ADAMTSL2: variants seen among roughly 807,000 people sequenced by gnomAD.
ADAMTSL2 encodes ADAMTS-like protein 2.
ADAMTSL2 carries 55 observed loss-of-function variants against 117.0 expected under a neutral mutation model. That is an observed-to-expected ratio of 0.47 (90% CI 0.38 to 0.59). The LOEUF (loss-of-function observed/expected upper bound fraction) is 0.59. ADAMTSL2 is among the 20% of genes least tolerant of loss of function. The pLI is 0.00. For synonymous variants in ADAMTSL2, 572 were observed against 566.4 expected (o/e 1.01, Z -0.14); for missense variants, 1,182 against 1,354.5 (o/e 0.87, Z 2.00).
Position 133,568,597 on chromosome 9 carries a change from C to T in ADAMTSL2, c.2089-6C>T, listed in dbSNP as rs944005594. On this transcript the variant is annotated splice_region_variant and splice_polypyrimidine_tract_variant and intron_variant, in intron 14 of 18. Coordinates refer to ENST00000651351, the MANE Select transcript of ADAMTSL2 (RefSeq NM_014694.4). ...CCCCCCCTGCCCCCTCCCCCTGCCG[C>T]CCCAGTGCACTGCCAAGTGTGGGGA... 6.3e-6 allele frequency: 10 copies of T among 1,588,798 alleles called. No homozygotes were observed. In the African/African-American group the frequency reaches 1.1e-4, roughly 17 times the overall value.
At chr9:133,570,235 A>G (rs1184028941) in intron 16 of ADAMTSL2, 96 bp from the exon 17 acceptor site, 6 of 1,396,968 alleles carry the variant, frequency 4.3e-6, no homozygotes, top group South Asian at 1.3e-5. Context: ...CCCAATTGCT[A>G]TTGACCAGCC....
In ADAMTSL2 at chr9:133,534,829, C is replaced by T. The variant is rs940319147; in HGVS notation, c.-239C>T. 8 of 1,496,672 alleles carry T rather than the reference C, an allele frequency of 5.3e-6. No homozygotes were observed. The highest frequency in any genetic ancestry group is 2.2e-5 in the Admixed American group (1 of 45,080). The allele number at this position is 1,496,672 out of a possible 1,614,324, so 92.7% of individuals were successfully genotyped here. On this transcript the variant is annotated 5_prime_UTR_variant, in exon 1 of 19. Transcript: ENST00000651351. ...GGCCGCAGCCTCTGCACTCACGCCG[C>T]CCCCGCACGCACAGCGCACCTGGCG... is the stretch of plus-strand genomic sequence containing the variant.
intron 17 of ADAMTSL2, among the ~76,000 whole-genome samples, chr9:133,571,070 G>A (rs1396308883): frequency 6.6e-6 from 1 of 152,216 alleles, no homozygotes; most frequent in Non-Finnish European, 1.5e-5. Flanking sequence ...CAGGATGTGA[G>A]GCAGGACTAT....
chr9:133,572,889 G>T (rs1831143187), intron 17 of ADAMTSL2, among the ~76,000 whole-genome samples: 1 of 152,176 alleles, frequency 6.6e-6, no homozygotes, highest in Non-Finnish European at 1.5e-5. Context: ...GGGCTGGCCG[G>T]GAATGTGCTG....
upstream of ADAMTSL2, chr9:133,534,607 CG>C: frequency 7.9e-7 from 1 of 1,266,864 alleles, no homozygotes; most frequent in Non-Finnish European, 1.0e-6. Context: ...TGCGCCAGGC[CG>C]GCCGGCGCGG....
In ADAMTSL2 at chr9:133,557,893, T is replaced by C. The variant is rs1456470719; in HGVS notation, c.1649+1963T>C. Reference sequence around the variant, plus strand: ...TCGCTGTGGAATTTGGCTTAAGGCATGGACACTGTGTGAGTTGAGCATCTC... The same window carrying C: ...TCGCTGTGGAATTTGGCTTAAGGCACGGACACTGTGTGAGTTGAGCATCTC... On this transcript the variant is annotated intron_variant, in intron 11 of 18. Coordinates refer to ENST00000651351, the MANE Select transcript of ADAMTSL2 (RefSeq NM_014694.4). The surrounding 1 kb of genome is among the most constrained non-coding windows in gnomAD (Gnocchi z 5.2). Among the ~76,000 whole-genome samples the C allele has an allele frequency of 6.6e-6, 1 of 152,162 alleles. No individual in the cohort carries two copies. The highest frequency in any genetic ancestry group is 2.4e-5 in the African/African-American group (1 of 41,426).
intron 8 of ADAMTSL2, among the ~76,000 whole-genome samples, chr9:133,546,676 T>C (rs549568696): frequency 2.0e-5 from 3 of 152,296 alleles, no homozygotes; most frequent in Admixed American, 6.5e-5. Context: ...CGTGTGTGCC[T>C]TCCACAGGCC....
chr9:133,550,384 C>T (rs367548612), intron 9 of ADAMTSL2, among the ~76,000 whole-genome samples: 60 of 152,340 alleles, frequency 3.9e-4, no homozygotes, highest in African/African-American at 1.2e-3. Context: ...TTGGAGGATA[C>T]GGCAGGCCCA....
At chr9:133,567,434 C>G (rs1831000670) in intron 13 of ADAMTSL2, among the ~76,000 whole-genome samples, 1 of 152,238 alleles carries the variant, frequency 6.6e-6, no homozygotes, top group Non-Finnish European at 1.5e-5. Context: ...TTGGCTGTCC[C>G]TTGGATGTGG....
intron 13 of ADAMTSL2, 59 bp downstream of exon 13, chr9:133,567,121 C>T (rs1288489148): frequency 1.5e-5 from 24 of 1,560,958 alleles, no homozygotes; most frequent in Non-Finnish European, 1.7e-5. Context: ...GGGCTCTGCC[C>T]AAAGGAGCAG....
At chr9:133,560,963 T>A (rs1055296107) in intron 11 of ADAMTSL2, among the ~76,000 whole-genome samples, 17 of 152,212 alleles carry the variant, frequency 1.1e-4, no homozygotes, top group Non-Finnish European at 1.9e-4. Flanking sequence ...GCAGTTGAGA[T>A]GGAAAACAAT....
At position 133,568,625 on chromosome 9, in the gene ADAMTSL2, G is replaced by T. The variant is rs1200433730; in HGVS notation, c.2111G>T (p.Arg704Leu). The stretch of plus-strand genomic sequence containing the variant: ...CAGTGCACTGCCAAGTGTGGGGAGC[G>T]CAGTGTGGTGACCAGGGACATCCGC... ...WSECTAKCGE[R>L]SVVTRDIRCS... Residue 704 changes from arginine to leucine, a missense_variant, in exon 15 of 19, where the codon CGC becomes CTC. Coordinates refer to ENST00000651351, the MANE Select transcript of ADAMTSL2 (RefSeq NM_014694.4). 6.2e-7 allele frequency: 1 copy of T among 1,610,834 alleles called. No homozygotes were observed. The highest frequency in any genetic ancestry group is 1.7e-5 in the Admixed American group (1 of 59,692).
chr9:133,556,446 G>A (rs1308292578), intron 11 of ADAMTSL2, among the ~76,000 whole-genome samples: 8 of 152,310 alleles, frequency 5.3e-5, no homozygotes, highest in Middle Eastern at 6.8e-3. Flanking sequence ...AGGAGGAGGC[G>A]GAGCTCCAGG....
intron 8 of ADAMTSL2, among the ~76,000 whole-genome samples, chr9:133,545,537 G>A (rs367837191): frequency 7.2e-5 from 11 of 152,336 alleles, no homozygotes; most frequent in African/African-American, 2.6e-4. Context: ...GCCCCAGCAG[G>A]TCTGTGCTGC....
intron 4 of ADAMTSL2, 84 bp from the exon 5 acceptor site, chr9:133,539,687 C>CCCGGCTGTCCCGGCTG: frequency 3.0e-6 from 1 of 335,930 alleles, no homozygotes; most frequent in Non-Finnish European, 4.4e-6. Context: ...GTCCCGGCTG[C>CCCGGCTGTCCCGGCTG]AGCCACTTCC....
In ADAMTSL2 at chr9:133,554,442, T is replaced by A. The variant is rs577516860; in HGVS notation, c.1025T>A (p.Ile342Asn). The A allele has an allele frequency of 2.6e-6, 4 of 1,562,766 alleles. No individual in the cohort carries two copies. The East Asian group carries it at 9.4e-5, about 37-fold the overall frequency. The change falls in exon 10 of 19, where the codon ATC (isoleucine) becomes AAC (asparagine). Residue 342 changes from isoleucine to asparagine, a missense_variant. By Grantham distance (149) the Ile-to-Asn change is moderately radical. This residue lies in a region of ADAMTSL2 where 345 missense variants were observed against 325.8 expected (regional missense o/e 1.06). Transcript: ENST00000651351. This position sits in a 1 kb window ranked among gnomAD's most constrained non-coding sequence, Gnocchi z 5.2. ...CCACACGAGAGCCGCCCCCAGCCCA[T>A]CTACTATGGCTTCTCCGAGAGCGCT... Reference protein sequence around the residue: ...QPPHESRPQPIYYGFSESAES... With the variant: ...QPPHESRPQPNYYGFSESAES...
At chr9:133,543,498 T>C (rs9802725) in intron 7 of ADAMTSL2, among the ~76,000 whole-genome samples, 130,550 of 152,254 alleles carry the variant, frequency 0.86, 56,672 homozygotes, top group Non-Finnish European at 0.93. Context: ...CCTGTTCCCC[T>C]GTGTCTCCAA....
intron 9 of ADAMTSL2, among the ~76,000 whole-genome samples, chr9:133,553,001 G>A (rs1830521610): frequency 6.6e-6 from 1 of 152,206 alleles, no homozygotes; most frequent in Admixed American, 6.5e-5. Context: ...TCCCAGGACT[G>A]CCCTGACTGG....
intron 4 of ADAMTSL2, 106 bp from the exon 5 acceptor site, chr9:133,539,665 G>GCTGTCCCGGCTGTCCCGGCTGTC (rs1451211219): frequency 2.6e-6 from 3 of 1,136,826 alleles, no homozygotes; most frequent in African/African-American, 1.5e-5. Flanking sequence ...GGCTGTCCCG[G>GCTGTCCCGGCTGTCCCGGCTGTC]CTGTCCCGGC....
Sources: allele counts gnomAD v4.1 joint callset (sites outside exome capture counted in the v4.1 genomes callset), GRCh38; gene constraint gnomAD v4.1.1; regional missense constraint gnomAD v4.1.1; non-coding constraint Gnocchi (gnomAD v3.1); transcripts MANE v1.5; gene names NCBI Gene and HGNC (gene_info 2026-07-23, HGNC 2026-07-21).